CNN2: variants seen among roughly 807,000 people sequenced by gnomAD.
CNN2 encodes the protein calponin-2.
In CNN2, 21 loss-of-function variants were observed where a neutral mutation model predicts 31.0. That is an observed-to-expected ratio of 0.68 (90% CI 0.48 to 0.98). The LOEUF (loss-of-function observed/expected upper bound fraction) is 0.98, where lower values mean the gene tolerates loss of function less well. Ranked by LOEUF, CNN2 falls within the 50% of genes least tolerant of loss-of-function variation. The pLI is 0.00. For missense variants in CNN2, 399 were observed against 427.3 expected (o/e 0.93, Z 0.58); for synonymous variants, 165 against 179.6 (o/e 0.92, Z 0.65).
At position 1,036,505 on chromosome 19, in the gene CNN2, C is replaced by T. The variant is rs2144630799; in HGVS notation, c.597C>T (p.Pro199=). Residue 199 remains proline, a synonymous_variant, in exon 6 of 7, where the codon CCC becomes CCT. Coordinates refer to ENST00000263097, the MANE Select transcript of CNN2 (RefSeq NM_004368.4). ...HLYDPKNHIL[P]PMDHSTISLQ... ...ATGACCCCAAGAACCATATCCTGCC[C>T]CCCATGGACCACTCGACCATCAGCC... 6.2e-7 allele frequency: 1 copy of T among 1,613,364 alleles called. No homozygotes were observed. The highest frequency in any genetic ancestry group is 8.5e-7 in the Non-Finnish European group (1 of 1,179,360).
intron 4 of CNN2, among the ~76,000 whole-genome samples, chr19:1,033,351 C>A (rs2039530709): frequency 6.6e-6 from 1 of 152,010 alleles, no homozygotes; most frequent in East Asian, 2.0e-4. Context: ...AACCCCATCT[C>A]TACTAAGAAA....
At chr19:1,030,397 CG>C (rs1429671384) in intron 1 of CNN2, among the ~76,000 whole-genome samples, 2 of 152,074 alleles carry the variant, frequency 1.3e-5, no homozygotes, top group Non-Finnish European at 2.9e-5. Flanking sequence ...AGGGCTGAGA[CG>C]GGCAGATCAC....
chr19:1,031,071 C>A lies in CNN2; in HGVS notation c.64C>A (p.Leu22Ile). The change falls in exon 2 of 7, where the codon CTC becomes ATC. Residue 22 changes from leucine (L) to isoleucine (I), a missense_variant and splice_region_variant. Leu to Ile is a conservative substitution (Grantham distance 5, BLOSUM62 2). Coordinates refer to ENST00000263097, the MANE Select transcript of CNN2 (RefSeq NM_004368.4). ...YGLSAEVKNR[L>I]LSKYDPQKEA... ...AGTCTCGTGCCCTTTGCTCCACCAG[C>A]TCCTGTCCAAATATGACCCCCAGAA... 1 of 1,611,770 alleles carries A rather than the reference C, an allele frequency of 6.2e-7. No homozygotes were observed.
At chr19:1,036,282 C>T in intron 5 of CNN2, 36 bp downstream of exon 5, 1 of 1,567,392 alleles carries the variant, frequency 6.4e-7, no homozygotes, top group Non-Finnish European at 8.7e-7. Flanking sequence ...GGGACCACGG[C>T]ATTGGGGGAC....
At chr19:1,030,631 A>C (rs928206519) in intron 1 of CNN2, among the ~76,000 whole-genome samples, 3 of 152,108 alleles carry the variant, frequency 2.0e-5, no homozygotes, top group African/African-American at 7.2e-5. Context: ...GTCTCAAAAA[A>C]AATAAAAAAG....
In CNN2 at chr19:1,037,875, A is replaced by G; in HGVS notation, c.905A>G (p.Tyr302Cys). The change falls in exon 7 of 7, where the codon TAC (tyrosine) becomes TGC (cysteine). Residue 302 changes from tyrosine to cysteine, a missense_variant. Coordinates refer to ENST00000263097, the MANE Select transcript of CNN2 (RefSeq NM_004368.4). ...GGGGAGGTCCCTGAATATCCCCCTT[A>G]CTACCAGGAGGAGGCCGGCTACTGA... ...DPGEVPEYPP[Y>C]YQEEAGY is the part of the protein sequence containing the mutation. 6.3e-7 allele frequency: 1 copy of G among 1,591,340 alleles called. No homozygotes were observed. Among genetic ancestry groups the G allele is most frequent in the Non-Finnish European group, 8.6e-7 (1 of 1,165,150 alleles).
intron 1 of CNN2, among the ~76,000 whole-genome samples, chr19:1,030,782 AGGTTTGTCCTGCACCG>A (rs1286600406): frequency 9.8e-5 from 15 of 152,312 alleles, no homozygotes; most frequent in Admixed American, 2.6e-4. Flanking sequence ...AGATCCGGCC[AGGTTTGTCCTGCACCG>A]GGAGTGGATT....
chr19:1,036,273 G>A, intron 5 of CNN2, 27 bp downstream of exon 5: 1 of 1,569,616 alleles, frequency 6.4e-7, no homozygotes, highest in Non-Finnish European at 8.7e-7. Flanking sequence ...CCAGCCCCAG[G>A]GACCACGGCA....
chr19:1,029,005 C>G (rs2039445830), intron 1 of CNN2, among the ~76,000 whole-genome samples: 1 of 152,074 alleles, frequency 6.6e-6, no homozygotes, highest in African/African-American at 2.4e-5. Context: ...CCAGGCAGGT[C>G]CAGGTCAGGG....
At position 1,038,150 on chromosome 19, in the gene CNN2, C is replaced by T; in HGVS notation, c.*250C>T. The T allele has an allele frequency of 2.3e-6, 1 of 428,700 alleles. No homozygotes were observed. The highest frequency in any genetic ancestry group is 3.5e-5 in the East Asian group (1 of 28,644). 26.6% of individuals were successfully genotyped at this position (428,700 alleles called of 1,614,324 possible). A position where few individuals can be genotyped will look rare whatever the true frequency, so the allele number is the denominator to read the frequency against. On this transcript the variant is annotated 3_prime_UTR_variant, in exon 7 of 7. Coordinates refer to ENST00000263097, the MANE Select transcript of CNN2 (RefSeq NM_004368.4). ...CCCAATACGTGTAGGGCGAGGGTCC[C>T]TGCTGGCACATTCAGGCTGTGCTGG...
At chr19:1,030,263 G>A (rs982782536) in intron 1 of CNN2, among the ~76,000 whole-genome samples, 2 of 152,184 alleles carry the variant, frequency 1.3e-5, no homozygotes, top group Admixed American at 6.6e-5. Flanking sequence ...GCAGGGAATC[G>A]GTGGCAAGGA....
At chr19:1,032,094 G>A (rs2039507083) in intron 2 of CNN2, among the ~76,000 whole-genome samples, 1 of 151,982 alleles carries the variant, frequency 6.6e-6, no homozygotes, top group Admixed American at 6.6e-5. Flanking sequence ...CGGGTGTGGT[G>A]GCAGGCACCT....
Position 1,037,838 on chromosome 19 carries a change from T to A in CNN2, c.868T>A (p.Cys290Ser). ...TGGGGCTCCCTCGGGCACCGGCGAC[T>A]GCCCGGACCCGGGGGAGGTCCCTGA... ...ADGAPSGTGD[C>S]PDPGEVPEYP... Residue 290 changes from cysteine to serine, a missense_variant, in exon 7 of 7, where the codon TGC (cysteine) becomes AGC (serine). Physicochemically the swap from Cys to Ser is moderately radical, Grantham distance 112. Transcript: ENST00000263097. The A allele has an allele frequency of 1.9e-6, 3 of 1,606,378 alleles. No homozygotes were observed. The highest frequency in any genetic ancestry group is 2.6e-6 in the Non-Finnish European group (3 of 1,175,930).
chr19:1,037,171 T>A (rs11665845), intron 6 of CNN2: 27,777 of 186,670 alleles, frequency 0.15, 2,391 homozygotes, highest in Non-Finnish European at 0.19. Context: ...CCCAGCTAAT[T>A]TTTGTATTTT....
chr19:1,030,064 C>T (rs544529217), intron 1 of CNN2, among the ~76,000 whole-genome samples: 1 of 152,164 alleles, frequency 6.6e-6, no homozygotes, highest in African/African-American at 2.4e-5. Flanking sequence ...TGCCCCCATG[C>T]TTATGGCCCC....
Position 1,035,951 on chromosome 19 carries a change from G to C in CNN2, c.391-179G>C, listed in dbSNP as rs911413266. On this transcript the variant is annotated intron_variant, in intron 4 of 6. Transcript: ENST00000263097. ...ATAAAAATAAAAAACTGAAACAGCT[G>C]TATGATGGGTGTGTGGAGTGTGTGG... 8 of 885,382 alleles carry C rather than the reference G, an allele frequency of 9.0e-6. No homozygotes were observed. In the African/African-American group the frequency reaches 1.2e-4, roughly 13 times the overall value. The allele number at this position is 885,382 out of a possible 1,614,324, so 54.8% of individuals were successfully genotyped here. A position where few individuals can be genotyped will look rare whatever the true frequency, so the allele number is the denominator to read the frequency against.
At chr19:1,032,799 G>A in intron 4 of CNN2, 103 bp downstream of exon 4, 1 of 920,332 alleles carries the variant, frequency 1.1e-6, no homozygotes, top group Non-Finnish European at 1.7e-6. Context: ...TTATTTTTGA[G>A]TCGGAGTCTC....
chr19:1,033,626 GTGGTGTAGACCGGGAGCGTGGGTGGGACA>G (rs2039535956), intron 4 of CNN2, among the ~76,000 whole-genome samples: 2 of 141,274 alleles, frequency 1.4e-5, no homozygotes, highest in African/African-American at 5.3e-5. Context: ...GGGTGGGACA[GTGGTGTAGACCGGGAGCGTGGGTGGGACA>G]GTGTCTGGTG....
chr19:1,030,552 G>GGAGGCGGAGCTTGCAGT (rs2039472168), intron 1 of CNN2, among the ~76,000 whole-genome samples: 1 of 152,170 alleles, frequency 6.6e-6, no homozygotes, highest in Non-Finnish European at 1.5e-5. Context: ...CCTGAACCGG[G>GGAGGCGGAGCTTGCAGT]GAGGCGGAGC....
Sources: allele counts gnomAD v4.1 joint callset (sites outside exome capture counted in the v4.1 genomes callset), GRCh38; gene constraint gnomAD v4.1.1; transcripts MANE v1.5; gene names NCBI Gene and HGNC (gene_info 2026-07-23, HGNC 2026-07-21).